The following ZFYVE27 variants were observed in gnomAD, a reference collection of about 807,000 sequenced individuals.
ZFYVE27 encodes zinc finger FYVE-type containing 27, also known as protrudin.
Under a neutral mutation model 52.8 loss-of-function variants are expected in ZFYVE27, and 36 were observed. The ratio of observed to expected loss-of-function variants is 0.68; its 90% CI spans 0.52 to 0.90. The LOEUF (loss-of-function observed/expected upper bound fraction) is 0.90, where lower values mean the gene tolerates loss of function less well. Among genes scored for constraint, ZFYVE27 ranks in the 40% least tolerant of loss-of-function variants. The pLI, the probability that ZFYVE27 is intolerant of heterozygous loss-of-function variation, is 0.00. For synonymous variants in ZFYVE27, 223 were observed against 215.6 expected (o/e 1.03, Z -0.30); for missense variants, 450 against 527.2 (o/e 0.85, Z 1.43).
intron 5 of ZFYVE27, among the ~76,000 whole-genome samples, chr10:97,749,068 T>C (rs10786371): frequency 0.68 from 103,338 of 152,100 alleles, 35,443 homozygotes; most frequent in Middle Eastern, 0.78. Flanking sequence ...ATAGTAACTC[T>C]ATTAGGTAGG....
chr10:97,741,717 C>T (rs1038948851), intron 2 of ZFYVE27, among the ~76,000 whole-genome samples: 1 of 152,220 alleles, frequency 6.6e-6, no homozygotes, highest in South Asian at 2.1e-4. Flanking sequence ...ACCTACGTAA[C>T]AAACCTGCAC....
Position 97,753,185 on chromosome 10 carries a change from G to A in ZFYVE27, c.1042+3G>A. 1.9e-6 allele frequency: 3 copies of A among 1,610,178 alleles called. No individual in the cohort carries two copies. Among genetic ancestry groups the A allele is most frequent in the Non-Finnish European group, 2.5e-6 (3 of 1,178,954 alleles). ...GCGCTACCCCACCAACAACTTCGGT[G>A]CGGCCAGGGGACAGGGCTGGGCTGG... On this transcript the variant is annotated splice_donor_region_variant and intron_variant, in intron 10 of 12. Coordinates refer to ENST00000684270, the MANE Select transcript of ZFYVE27 (RefSeq NM_001385875.1).
At chr10:97,748,720 A>G (rs942450529) in intron 5 of ZFYVE27, among the ~76,000 whole-genome samples, 2 of 152,096 alleles carry the variant, frequency 1.3e-5, no homozygotes, top group African/African-American at 2.4e-5. Flanking sequence ...TCCACTTATC[A>G]TTATATTAAA....
At chr10:97,747,139 T>C (rs1318925303) in intron 4 of ZFYVE27, among the ~76,000 whole-genome samples, 3 of 152,238 alleles carry the variant, frequency 2.0e-5, no homozygotes, top group Non-Finnish European at 4.4e-5. Context: ...TTTTGAATAG[T>C]ACAAGCTTAT....
At chr10:97,738,209 G>C (rs762661134) in intron 1 of ZFYVE27, among the ~76,000 whole-genome samples, 3 of 152,308 alleles carry the variant, frequency 2.0e-5, no homozygotes, top group Middle Eastern at 3.4e-3. Context: ...AAGAGTGGGA[G>C]AAAAATGTTC....
At chr10:97,737,923 T>G (rs1192396324) in intron 1 of ZFYVE27, among the ~76,000 whole-genome samples, 1 of 152,224 alleles carries the variant, frequency 6.6e-6, no homozygotes, top group East Asian at 1.9e-4. Context: ...AGGCATTTGT[T>G]AAGCACCCAC....
At chr10:97,743,297 A>G (rs776361342) in intron 3 of ZFYVE27, 133 bp downstream of exon 3, 6 of 1,070,652 alleles carry the variant, frequency 5.6e-6, no homozygotes, top group Non-Finnish European at 7.1e-6. Context: ...GTCTGCTTGG[A>G]GTCAGAAACA....
intron 2 of ZFYVE27, among the ~76,000 whole-genome samples, chr10:97,742,400 CATTT>C (rs1188964479): frequency 2.0e-5 from 3 of 152,092 alleles, no homozygotes; most frequent in African/African-American, 7.2e-5. Flanking sequence ...TCTGCATTGC[CATTT>C]GGTGGTGGTG....
At chr10:97,756,524 T>A (rs1184864141) in intron 10 of ZFYVE27, among the ~76,000 whole-genome samples, 1 of 152,148 alleles carries the variant, frequency 6.6e-6, no homozygotes, top group East Asian at 1.9e-4. Context: ...GGGCCCCACA[T>A]CCCAGAAACC....
At chr10:97,756,483 A>G (rs1180339193) in intron 10 of ZFYVE27, among the ~76,000 whole-genome samples, 1 of 152,214 alleles carries the variant, frequency 6.6e-6, no homozygotes, top group Non-Finnish European at 1.5e-5. Context: ...TTGCCCAGAC[A>G]GGTGGTCCGG....
intron 2 of ZFYVE27, chr10:97,738,917 T>A: frequency 5.5e-6 from 3 of 541,520 alleles, no homozygotes; most frequent in Non-Finnish European, 1.0e-5. Context: ...TGTGACTGAA[T>A]AAGCTCCTTC....
intron 4 of ZFYVE27, among the ~76,000 whole-genome samples, chr10:97,745,814 C>T (rs1433194658): frequency 6.6e-6 from 1 of 152,068 alleles, no homozygotes; most frequent in Non-Finnish European, 1.5e-5. Flanking sequence ...ATTCATCTAA[C>T]AACTTCAGTA....
chr10:97,752,736 C>A, intron 8 of ZFYVE27, 121 bp from the exon 9 acceptor site: 1 of 1,149,948 alleles, frequency 8.7e-7, no homozygotes, highest in Non-Finnish European at 1.3e-6. Context: ...GGGAAGTGCG[C>A]AGAGCTCAGA....
chr10:97,746,049 A>T (rs202002058), intron 4 of ZFYVE27, among the ~76,000 whole-genome samples: 1,354 of 35,162 alleles, frequency 0.039, 23 homozygotes, highest in African/African-American at 0.057. Flanking sequence ...ATATATATAT[A>T]TATTTTTTTT....
chr10:97,749,978 C>T (rs1000455893), intron 6 of ZFYVE27: 4 of 415,352 alleles, frequency 9.6e-6, no homozygotes, highest in Non-Finnish European at 1.8e-5. Context: ...TGTCTGGCTT[C>T]TAAAGCGCTG....
At chr10:97,740,372 G>A (rs1362931647) in intron 2 of ZFYVE27, among the ~76,000 whole-genome samples, 1 of 152,232 alleles carries the variant, frequency 6.6e-6, no homozygotes, top group Non-Finnish European at 1.5e-5. Context: ...ACAAGGGGTA[G>A]GGAGACAGTA....
chr10:97,753,000 C>T (rs759953838), intron 9 of ZFYVE27, 38 bp from the exon 10 acceptor site: 17 of 1,612,806 alleles, frequency 1.1e-5, no homozygotes, highest in African/African-American at 2.7e-5. Flanking sequence ...TGCAGCCTTG[C>T]AAGAGGTGGG....
In ZFYVE27 at chr10:97,742,978, A is replaced by T. The variant is rs1445310444; in HGVS notation, c.198-116A>T. The T allele has an allele frequency of 7.9e-6, 9 of 1,143,378 alleles. No individual in the cohort carries two copies. The East Asian group carries it at 2.1e-4, about 27-fold the overall frequency. The allele number at this position is 1,143,378 out of a possible 1,614,324, so 70.8% of individuals were successfully genotyped here. On this transcript the variant is annotated intron_variant, in intron 2 of 12. Transcript: ENST00000684270. ...GAGGCCCCCTTTTCGTTTCTCCTTG[A>T]CCTTCTGTGTTCCAGGCCTCCTCTT...
chr10:97,752,946 A>C, intron 9 of ZFYVE27, 69 bp downstream of exon 9: 1 of 1,612,274 alleles, frequency 6.2e-7, no homozygotes, highest in Non-Finnish European at 8.5e-7. Flanking sequence ...CTGCTGCCAC[A>C]CCTCGTGGGG....
Sources: allele counts gnomAD v4.1 joint callset (sites outside exome capture counted in the v4.1 genomes callset), GRCh38; gene constraint gnomAD v4.1.1; transcripts MANE v1.5; gene names NCBI Gene and HGNC (gene_info 2026-07-23, HGNC 2026-07-21).